SLC7A1: variants seen among roughly 807,000 people sequenced by gnomAD.
SLC7A1 encodes solute carrier family 7 member 1.
A neutral mutation model predicts 53.9 loss-of-function variants in SLC7A1; 10 were observed. The ratio of observed to expected loss-of-function variants is 0.19; its 90% CI spans 0.11 to 0.31. The LOEUF (loss-of-function observed/expected upper bound fraction) is 0.31, where lower values mean the gene tolerates loss of function less well. Among genes scored for constraint, SLC7A1 ranks in the 10% least tolerant of loss-of-function variants. SLC7A1 has a pLI of 1.00. For missense variants in SLC7A1, 525 were observed against 827.2 expected (o/e 0.63, Z 4.48); for synonymous variants, 342 against 338.7 (o/e 1.01, Z -0.11).
At chr13:29,526,436 C>T (rs1234390646) in intron 5 of SLC7A1, among the ~76,000 whole-genome samples, 1 of 152,150 alleles carries the variant, frequency 6.6e-6, no homozygotes, top group African/African-American at 2.4e-5. Flanking sequence ...TGTGCCACTG[C>T]ACCCCAGCCT....
Position 29,595,001 on chromosome 13 carries a change from G to T in SLC7A1, c.-115+415C>A, listed in dbSNP as rs1247774990. On this transcript the variant is annotated intron_variant, in intron 1 of 12. Coordinates refer to ENST00000380752, the MANE Select transcript of SLC7A1 (RefSeq NM_003045.5). Reference sequence around the variant, plus strand: ...CCATGTAAGGGAAGGTCTCCTCGCCGCCGGCGGGCTCCGTGTGCCTCCCAG... The same window carrying T: ...CCATGTAAGGGAAGGTCTCCTCGCCTCCGGCGGGCTCCGTGTGCCTCCCAG... 2.0e-5 allele frequency among the ~76,000 whole-genome samples: 3 copies of T among 151,922 alleles called. No individual in the cohort carries two copies. In the East Asian group the frequency reaches 5.9e-4, roughly 30 times the overall value.
At chr13:29,572,393 G>A (rs1871236613) in intron 1 of SLC7A1, among the ~76,000 whole-genome samples, 1 of 152,226 alleles carries the variant, frequency 6.6e-6, no homozygotes, top group African/African-American at 2.4e-5. Context: ...TAATTTAACA[G>A]GGGAGAAAAA....
At chr13:29,546,198 G>A (rs1484059391) in intron 2 of SLC7A1, among the ~76,000 whole-genome samples, 4 of 152,172 alleles carry the variant, frequency 2.6e-5, no homozygotes, top group African/African-American at 9.7e-5. Context: ...ACCAACCAGG[G>A]AGCTGGCCCT....
At chr13:29,541,045 G>C (rs909625033) in intron 2 of SLC7A1, among the ~76,000 whole-genome samples, 1 of 152,104 alleles carries the variant, frequency 6.6e-6, no homozygotes, top group Admixed American at 6.5e-5. Flanking sequence ...ACAGCTGAGT[G>C]AGCTGCAGCC....
At position 29,513,192 on chromosome 13, in the gene SLC7A1, G is replaced by C. The variant is rs1183779182; in HGVS notation, c.*1288C>G. ...CGTGCACTGGAGCTATGGGGGTGGG[G>C]AGGATGCTCGGGTCTCTCCCACTTG... On this transcript the variant is annotated 3_prime_UTR_variant, in exon 13 of 13. Coordinates refer to ENST00000380752, the MANE Select transcript of SLC7A1 (RefSeq NM_003045.5). The C allele has an allele frequency of 6.6e-6, 1 of 152,528 alleles. No individual in the cohort carries two copies. The highest frequency in any genetic ancestry group is 1.9e-4 in the East Asian group (1 of 5,186). The allele number at this position is 152,528 out of a possible 1,614,324, so 9.4% of individuals were successfully genotyped here.
At chr13:29,559,746 C>T (rs185488680) in intron 1 of SLC7A1, among the ~76,000 whole-genome samples, 5 of 150,376 alleles carry the variant, frequency 3.3e-5, no homozygotes, top group Non-Finnish European at 5.9e-5. Context: ...GATGGAGTCT[C>T]GCTCTGTCGC....
intron 1 of SLC7A1, among the ~76,000 whole-genome samples, chr13:29,574,778 G>A (rs1369591392): frequency 6.6e-6 from 1 of 151,436 alleles, no homozygotes; most frequent in Non-Finnish European, 1.5e-5. Context: ...CCAAGTAGCT[G>A]GGACTACAGG....
chr13:29,530,698 C>G lies in SLC7A1; in HGVS notation c.544G>C (p.Gly182Arg), dbSNP rs764543216. 2 of 1,613,870 alleles carry G rather than the reference C, an allele frequency of 1.2e-6. No individual in the cohort carries two copies. The highest frequency in any genetic ancestry group is 8.5e-7 in the Non-Finnish European group (1 of 1,179,840). ...TTGACCATGGCCGACTCTTTCACAC[C>G]AAGAGTTAAAAGTCCTGAAAAAGTG... ...ILILTGLLTLGVKESAMVNKI... is the reference protein window; with the variant it reads ...ILILTGLLTLRVKESAMVNKI... Residue 182 changes from glycine to arginine, a missense_variant, in exon 5 of 13, where the codon GGT (glycine) becomes CGT (arginine). By Grantham distance (125) the Gly-to-Arg change is moderately radical (BLOSUM62 -2). Coordinates refer to ENST00000380752, the MANE Select transcript of SLC7A1 (RefSeq NM_003045.5).
intron 1 of SLC7A1, among the ~76,000 whole-genome samples, chr13:29,574,090 G>A (rs1000402158): frequency 2.6e-5 from 4 of 152,222 alleles, no homozygotes; most frequent in African/African-American, 9.6e-5. Flanking sequence ...ACCACAGGGG[G>A]TGAGGACTGA....
intron 1 of SLC7A1, among the ~76,000 whole-genome samples, chr13:29,591,302 T>C (rs1206338472): frequency 6.6e-6 from 1 of 152,054 alleles, no homozygotes; most frequent in African/African-American, 2.4e-5. Context: ...ATGCAAACAA[T>C]ATGAAAAAGA....
chr13:29,543,642 C>G (rs1178943884), intron 2 of SLC7A1, among the ~76,000 whole-genome samples: 2 of 149,230 alleles, frequency 1.3e-5, no homozygotes, highest in Non-Finnish European at 3.0e-5. Context: ...CAGAGGTTCC[C>G]CAGGAGGAGG....
At chr13:29,553,481 G>A (rs1287113716) in intron 2 of SLC7A1, among the ~76,000 whole-genome samples, 1 of 152,158 alleles carries the variant, frequency 6.6e-6, no homozygotes, top group African/African-American at 2.4e-5. Flanking sequence ...CCAGCCGTAG[G>A]ATATGAAGAG....
rs1471866800 is a variant in SLC7A1, at chr13:29,514,309, G to A, written c.*171C>T. 11 of 600,618 alleles carry A rather than the reference G, an allele frequency of 1.8e-5. No individual in the cohort carries two copies. Among genetic ancestry groups the A allele is most frequent in the Non-Finnish European group, 3.3e-5 (11 of 334,770 alleles). 37.2% of individuals were successfully genotyped at this position (600,618 alleles called of 1,614,324 possible). ...GTGACCAGGGCCCGGAGAACCGGCT[G>A]CAGAGCCGAGGGTGGGCTGGGGCTG... On this transcript the variant is annotated 3_prime_UTR_variant, in exon 13 of 13. Coordinates refer to ENST00000380752, the MANE Select transcript of SLC7A1 (RefSeq NM_003045.5).
chr13:29,559,639 T>TA, intron 1 of SLC7A1, among the ~76,000 whole-genome samples: 1 of 152,024 alleles, frequency 6.6e-6, no homozygotes, highest in East Asian at 1.9e-4. Flanking sequence ...ACTAAATGTG[T>TA]AAAAAATATT....
intron 1 of SLC7A1, among the ~76,000 whole-genome samples, chr13:29,595,110 A>G (rs1872257222): frequency 6.6e-6 from 1 of 151,198 alleles, no homozygotes. Context: ...AGGCGCGCGG[A>G]GCGGGCATCG....
At position 29,524,167 on chromosome 13, in the gene SLC7A1, T is replaced by A; in HGVS notation, c.791A>T (p.Tyr264Phe). The part of the protein sequence containing the change: ...GVLSGAATCF[Y>F]AFVGFDCIAT... ...GATGCAGTCAAAGCCCACGAAGGCATAGAAGCAAGTCGCTGCCCCCGACAG... is the reference window on the plus strand; with the variant it reads ...GATGCAGTCAAAGCCCACGAAGGCAAAGAAGCAAGTCGCTGCCCCCGACAG... Residue 264 changes from tyrosine (Y) to phenylalanine (F), a missense_variant, in exon 6 of 13, where the codon TAT (tyrosine) becomes TTT (phenylalanine). This residue lies in a region of SLC7A1 where 354 missense variants were observed against 587.5 expected (regional missense o/e 0.60). Transcript: ENST00000380752. The A allele has an allele frequency of 2.5e-6, 4 of 1,613,912 alleles. No homozygotes were observed. The highest frequency in any genetic ancestry group is 3.4e-6 in the Non-Finnish European group (4 of 1,179,968).
At chr13:29,594,696 C>T (rs1190596185) in intron 1 of SLC7A1, among the ~76,000 whole-genome samples, 1 of 152,218 alleles carries the variant, frequency 6.6e-6, no homozygotes, top group African/African-American at 2.4e-5. Flanking sequence ...CCGGCCTTTC[C>T]AGGCCACACT....
chr13:29,514,877 G>A (rs1252319852), intron 12 of SLC7A1, among the ~76,000 whole-genome samples: 1 of 152,156 alleles, frequency 6.6e-6, no homozygotes, highest in Non-Finnish European at 1.5e-5. Flanking sequence ...AGGCCATCGG[G>A]TCCTTCAGCT....
intron 9 of SLC7A1, 42 bp from the exon 10 acceptor site, chr13:29,517,832 G>A: frequency 6.6e-7 from 1 of 1,511,680 alleles, no homozygotes; most frequent in East Asian, 2.3e-5. Context: ...TCTGCTTCAA[G>A]CAAAATGACG....
Sources: allele counts gnomAD v4.1 joint callset (sites outside exome capture counted in the v4.1 genomes callset), GRCh38; gene constraint gnomAD v4.1.1; regional missense constraint gnomAD v4.1.1; transcripts MANE v1.5; gene names NCBI Gene and HGNC (gene_info 2026-07-23, HGNC 2026-07-21).